The following MMP16 variants were observed in gnomAD, a reference collection of about 807,000 sequenced individuals.
MMP16 encodes matrix metallopeptidase 16.
In MMP16, 12 loss-of-function variants were observed where a neutral mutation model predicts 67.8. That is an observed-to-expected ratio of 0.18 (90% CI 0.11 to 0.29). The LOEUF (loss-of-function observed/expected upper bound fraction) is 0.29. Ranked by LOEUF, MMP16 falls within the 10% of genes least tolerant of loss-of-function variation. The probability of loss-of-function intolerance (pLI) is 1.00; values close to 1 mark genes in which losing one functional copy is unlikely to be tolerated. For missense variants in MMP16, 475 were observed against 765.7 expected (o/e 0.62, Z 4.48); for synonymous variants, 249 against 255.9 (o/e 0.97, Z 0.26).
intron 1 of MMP16, among the ~76,000 whole-genome samples, chr8:88,224,904 T>C (rs17666490): frequency 0.45 from 67,717 of 151,606 alleles, 17,340 homozygotes; most frequent in Non-Finnish European, 0.59. Flanking sequence ...AATTATGTAT[T>C]TTTTCCGGAA....
At chr8:88,141,714 T>C (rs897271227) in intron 4 of MMP16, among the ~76,000 whole-genome samples, 6 of 152,206 alleles carry the variant, frequency 3.9e-5, no homozygotes, top group African/African-American at 9.6e-5. Flanking sequence ...ATTACTTTCA[T>C]AGTTATTGTC....
intron 1 of MMP16, among the ~76,000 whole-genome samples, chr8:88,280,308 T>C (rs1810712851): frequency 6.6e-6 from 1 of 152,180 alleles, no homozygotes; most frequent in East Asian, 1.9e-4. Flanking sequence ...TTTCAAAAAG[T>C]ATCCTAAAAT....
chr8:88,102,602 C>T (rs911165414), intron 6 of MMP16, among the ~76,000 whole-genome samples: 4 of 151,720 alleles, frequency 2.6e-5, no homozygotes, highest in Non-Finnish European at 5.9e-5. Context: ...TCTCCCCTCC[C>T]CTGAGGTTAA....
At chr8:88,210,120 T>C (rs1014964115) in intron 1 of MMP16, among the ~76,000 whole-genome samples, 1 of 152,094 alleles carries the variant, frequency 6.6e-6, no homozygotes, top group African/African-American at 2.4e-5. Context: ...GACCTCAGAC[T>C]TCTAGCCTCC....
chr8:88,316,236 C>T (rs185274737), intron 1 of MMP16, among the ~76,000 whole-genome samples: 153 of 152,228 alleles, frequency 1.0e-3, no homozygotes, highest in Non-Finnish European at 1.7e-3. Flanking sequence ...CTAAAATAAT[C>T]GATGTAGGTG....
chr8:88,189,250 CAATAT>C (rs1264020493), intron 2 of MMP16, among the ~76,000 whole-genome samples: 14 of 152,220 alleles, frequency 9.2e-5, no homozygotes, highest in Middle Eastern at 3.4e-3. Flanking sequence ...TTAAAAAGTA[CAATAT>C]AATGGGGTAA....
chr8:88,163,295 C>T (rs1418939292), intron 4 of MMP16, among the ~76,000 whole-genome samples: 1 of 152,032 alleles, frequency 6.6e-6, no homozygotes, highest in Non-Finnish European at 1.5e-5. Flanking sequence ...GGTTTGGATG[C>T]AGATGTCAAT....
intron 1 of MMP16, among the ~76,000 whole-genome samples, chr8:88,231,830 G>A (rs1809863780): frequency 6.6e-6 from 1 of 152,018 alleles, no homozygotes; most frequent in Admixed American, 6.6e-5. Flanking sequence ...TTTTAAAAAA[G>A]TTTTTCTCTA....
At chr8:88,096,825 G>C (rs1809035563) in intron 6 of MMP16, among the ~76,000 whole-genome samples, 1 of 151,924 alleles carries the variant, frequency 6.6e-6, no homozygotes, top group Admixed American at 6.6e-5. Flanking sequence ...GTTCCAGCCA[G>C]ACTCATCCAT....
At chr8:88,079,600 G>A (rs147973179) in intron 6 of MMP16, among the ~76,000 whole-genome samples, 3 of 152,108 alleles carry the variant, frequency 2.0e-5, no homozygotes, top group Admixed American at 6.5e-5. Context: ...ATGTTATTCC[G>A]TAAAGAGGGC....
chr8:88,241,182 G>C (rs1810027989), intron 1 of MMP16, among the ~76,000 whole-genome samples: 1 of 151,380 alleles, frequency 6.6e-6, no homozygotes, highest in South Asian at 2.1e-4. Flanking sequence ...TACCACTTCT[G>C]TTGCCTCCAA....
At chr8:88,287,830 G>GGTT (rs1810858032) in intron 1 of MMP16, among the ~76,000 whole-genome samples, 1 of 152,140 alleles carries the variant, frequency 6.6e-6, no homozygotes, top group Non-Finnish European at 1.5e-5. Context: ...GTAACAAAAA[G>GGTT]GTTGTAAGAC....
intron 1 of MMP16, among the ~76,000 whole-genome samples, chr8:88,297,917 G>A (rs1228074649): frequency 2.6e-5 from 4 of 152,140 alleles, no homozygotes. Context: ...GAAGGCAAGG[G>A]AGGCAAGTCT....
chr8:88,054,582 G>C (rs1373652502), intron 8 of MMP16, among the ~76,000 whole-genome samples: 1 of 151,982 alleles, frequency 6.6e-6, no homozygotes, highest in Non-Finnish European at 1.5e-5. Context: ...TTTTAAATTT[G>C]TGATTTAGTA....
intron 4 of MMP16, among the ~76,000 whole-genome samples, chr8:88,146,901 C>T (rs906420065): frequency 2.6e-5 from 4 of 151,914 alleles, no homozygotes; most frequent in African/African-American, 9.7e-5. Flanking sequence ...TTTTCCCCAA[C>T]TGTTTGAACA....
At chr8:88,062,096 A>C (rs534230609) in intron 7 of MMP16, among the ~76,000 whole-genome samples, 1 of 152,240 alleles carries the variant, frequency 6.6e-6, no homozygotes, top group Non-Finnish European at 1.5e-5. Context: ...AATAATTATG[A>C]GTGATAACAT....
intron 1 of MMP16, among the ~76,000 whole-genome samples, chr8:88,290,035 T>G (rs1340768324): frequency 1.3e-5 from 2 of 152,134 alleles, no homozygotes; most frequent in Admixed American, 1.3e-4. Flanking sequence ...GTGACACAAA[T>G]TTTTTGTCCA....
intron 7 of MMP16, among the ~76,000 whole-genome samples, chr8:88,074,229 T>C (rs540805305): frequency 6.6e-6 from 1 of 152,270 alleles, no homozygotes; most frequent in Non-Finnish European, 1.5e-5. Flanking sequence ...ATTTCAGAGA[T>C]TATGTATGAA....
chr8:88,273,249 T>A (rs1290705177), intron 1 of MMP16, among the ~76,000 whole-genome samples: 1 of 25,388 alleles, frequency 3.9e-5, no homozygotes, highest in Middle Eastern at 0.029. Flanking sequence ...CATGCCTGGC[T>A]TTTTTTTTTT....
Sources: gnomAD v4.1 joint callset for allele counts (sites outside exome capture counted in the v4.1 genomes callset) on GRCh38, gnomAD v4.1.1 for gene constraint, MANE v1.5 for transcripts, NCBI Gene and HGNC (gene_info 2026-07-23, HGNC 2026-07-21) for gene names.